MALRD1: variants seen among roughly 807,000 people sequenced by gnomAD.
The protein encoded by MALRD1 is MAM and LDL receptor class A domain containing 1.
Under a neutral mutation model 242.1 loss-of-function variants are expected in MALRD1, and 247 were observed. The ratio of observed to expected loss-of-function variants is 1.02; its 90% confidence interval spans 0.92 to 1.13. MALRD1 has a LOEUF of 1.13. MALRD1 is among the 50% of genes most tolerant of loss of function. The pLI, the probability that MALRD1 is intolerant of heterozygous loss-of-function variation, is 0.00. For synonymous variants in MALRD1, 995 were observed against 866.6 expected (o/e 1.15, Z -2.60); for missense variants, 2,989 against 2,533.1 (o/e 1.18, Z -3.86).
At chr10:19,454,958 A>G (rs1436210140) in intron 29 of MALRD1, among the ~76,000 whole-genome samples, 1 of 152,160 alleles carries the variant, frequency 6.6e-6, no homozygotes, top group African/African-American at 2.4e-5. Flanking sequence ...TTATGGTGCT[A>G]TCTTCAACTT....
chr10:19,397,931 A>G (rs923746486), intron 28 of MALRD1, among the ~76,000 whole-genome samples: 1 of 149,582 alleles, frequency 6.7e-6, no homozygotes, highest in Non-Finnish European at 1.5e-5. Flanking sequence ...TTTTTTTCAT[A>G]TATCTCTTGG....
At chr10:19,205,429 G>A (rs1265381362) in intron 17 of MALRD1, among the ~76,000 whole-genome samples, 164 bp downstream of exon 17, 1 of 150,956 alleles carries the variant, frequency 6.6e-6, no homozygotes, top group Non-Finnish European at 1.5e-5. Context: ...TTTTTAAGAG[G>A]ATTTATTAGA....
At chr10:19,585,849 A>T (rs954110518) in intron 33 of MALRD1, among the ~76,000 whole-genome samples, 13 of 152,010 alleles carry the variant, frequency 8.6e-5, no homozygotes, top group African/African-American at 2.2e-4. Flanking sequence ...TCTCCCTGTC[A>T]CTTTCAGGTA....
intron 32 of MALRD1, among the ~76,000 whole-genome samples, chr10:19,546,858 G>A (rs1299997498): frequency 6.6e-6 from 1 of 152,164 alleles, no homozygotes. Context: ...TTTTTGGAGA[G>A]TATAGGTAAG....
At chr10:19,692,178 A>T in intron 36 of MALRD1, 104 bp from the exon 37 acceptor site, 1 of 878,574 alleles carries the variant, frequency 1.1e-6, no homozygotes, top group Non-Finnish European at 1.7e-6. Context: ...TGTTCCTAGT[A>T]TCTCGTTATT....
intron 11 of MALRD1, among the ~76,000 whole-genome samples, chr10:19,154,024 A>C (rs1261082659): frequency 2.0e-5 from 3 of 152,192 alleles, no homozygotes; most frequent in Admixed American, 2.0e-4. Flanking sequence ...AATTTTTCAA[A>C]ATCACCTTTT....
At chr10:19,552,240 G>A (rs531962137) in intron 32 of MALRD1, among the ~76,000 whole-genome samples, 8 of 151,942 alleles carry the variant, frequency 5.3e-5, no homozygotes, top group Non-Finnish European at 7.4e-5. Flanking sequence ...TTGGTTGGTA[G>A]GCTATTTATT....
intron 36 of MALRD1, among the ~76,000 whole-genome samples, chr10:19,635,580 A>G (rs1383876212): frequency 1.3e-5 from 2 of 152,192 alleles, no homozygotes; most frequent in Non-Finnish European, 2.9e-5. Context: ...AAAAGATTAA[A>G]AAATACAGAA....
rs1267352183 is a variant in MALRD1, at chr10:19,469,042, A to G, written c.5029+18552A>G. Among the ~76,000 whole-genome samples the G allele has an allele frequency of 2.6e-5, 4 of 152,044 alleles. No individual in the cohort carries two copies. In the East Asian group the frequency reaches 7.7e-4, roughly 29 times the overall value. Reference sequence around the variant, plus strand: ...AATCTTTTGAGGAACATAAAATACTATTTCTGCCTGGGCCCCACAGCAGAC... The same window carrying G: ...AATCTTTTGAGGAACATAAAATACTGTTTCTGCCTGGGCCCCACAGCAGAC... On this transcript the variant is annotated intron_variant, in intron 29 of 39. Transcript: ENST00000454679.
chr10:19,240,482 C>T (rs1051521739), intron 18 of MALRD1, among the ~76,000 whole-genome samples: 4 of 151,910 alleles, frequency 2.6e-5, no homozygotes, highest in Non-Finnish European at 4.4e-5. Flanking sequence ...TAGATGTATA[C>T]ATATGTATGT....
intron 19 of MALRD1, among the ~76,000 whole-genome samples, chr10:19,278,494 C>G (rs1432540431): frequency 6.9e-6 from 1 of 145,148 alleles, no homozygotes; most frequent in African/African-American, 2.6e-5. Flanking sequence ...TCTATCCATC[C>G]ATCCATCTGT....
chr10:19,349,775 A>T (rs568946165), intron 25 of MALRD1, among the ~76,000 whole-genome samples: 101 of 152,312 alleles, frequency 6.6e-4, no homozygotes, highest in African/African-American at 2.1e-3. Flanking sequence ...TAAATATTAA[A>T]TACAAAATAC....
chr10:19,605,020 T>G (rs139575718), intron 34 of MALRD1, among the ~76,000 whole-genome samples: 496 of 152,272 alleles, frequency 3.3e-3, no homozygotes, highest in African/African-American at 0.011. Context: ...TTTCCTAGTT[T>G]ACTTGGTTTG....
chr10:19,320,249 T>C (rs1842868964), intron 21 of MALRD1, among the ~76,000 whole-genome samples: 1 of 151,872 alleles, frequency 6.6e-6, no homozygotes. Flanking sequence ...GGCCCCAGTG[T>C]GTGATGTTCC....
intron 12 of MALRD1, among the ~76,000 whole-genome samples, chr10:19,160,314 A>C (rs1834342232): frequency 7.2e-6 from 1 of 139,534 alleles, no homozygotes; most frequent in African/African-American, 2.7e-5. Context: ...GATGAAGCCC[A>C]CTTGATCATG....
At chr10:19,709,887 G>C (rs541416187) in intron 38 of MALRD1, among the ~76,000 whole-genome samples, 4 of 152,168 alleles carry the variant, frequency 2.6e-5, no homozygotes, top group African/African-American at 9.7e-5. Flanking sequence ...TGTTGTAATT[G>C]TATTTGCTGA....
intron 36 of MALRD1, among the ~76,000 whole-genome samples, chr10:19,617,513 G>A (rs907952325): frequency 2.6e-5 from 4 of 151,952 alleles, no homozygotes; most frequent in Non-Finnish European, 4.4e-5. Flanking sequence ...TGTCCATATT[G>A]TAATAGCTTA....
chr10:19,306,562 A>G (rs1564547621), intron 21 of MALRD1, among the ~76,000 whole-genome samples: 1 of 148,468 alleles, frequency 6.7e-6, no homozygotes, highest in Non-Finnish European at 1.5e-5. Context: ...ATAGTATGGT[A>G]GTATATATAT....
chr10:19,141,613 A>G (rs1446022867), intron 10 of MALRD1, among the ~76,000 whole-genome samples: 1 of 151,370 alleles, frequency 6.6e-6, no homozygotes, highest in Non-Finnish European at 1.5e-5. Context: ...TAGGAAAAAT[A>G]TATATATATA....
Sources: gnomAD v4.1 joint callset for allele counts (sites outside exome capture counted in the v4.1 genomes callset) on GRCh38, gnomAD v4.1.1 for gene constraint, MANE v1.5 for transcripts, NCBI Gene and HGNC (gene_info 2026-07-23, HGNC 2026-07-21) for gene names.